Variants in AOAH observed in about 807,000 individuals in gnomAD.
The protein encoded by AOAH is acyloxyacyl hydrolase (neutrophil).
Under a neutral mutation model 92.2 loss-of-function variants are expected in AOAH, and 64 were observed. The observed-to-expected ratio is 0.69, with a 90% CI of 0.57 to 0.86. The LOEUF is 0.86. AOAH is among the 40% of genes least tolerant of loss of function. AOAH has a pLI of 0.00. For missense variants in AOAH, 656 were observed against 694.6 expected (o/e 0.94, Z 0.62); for synonymous variants, 263 against 254.5 (o/e 1.03, Z -0.32).
intron 8 of AOAH, 48 bp downstream of exon 8, chr7:36,621,662 C>A (rs369563422): frequency 1.0e-5 from 16 of 1,578,470 alleles, no homozygotes; most frequent in Non-Finnish European, 1.2e-5. Flanking sequence ...CTCCTGCTTC[C>A]TTTTCTGAAG....
intron 1 of AOAH, among the ~76,000 whole-genome samples, chr7:36,704,191 A>G (rs1307855065): frequency 1.3e-5 from 2 of 151,354 alleles, no homozygotes; most frequent in Non-Finnish European, 2.9e-5. Flanking sequence ...CCACTTTTTG[A>G]TGGGGTTGTT....
chr7:36,705,534 A>G (rs1798344835), intron 1 of AOAH, among the ~76,000 whole-genome samples: 1 of 152,186 alleles, frequency 6.6e-6, no homozygotes, highest in Non-Finnish European at 1.5e-5. Flanking sequence ...GGAAGAGTCA[A>G]TATCGTGAAA....
intron 20 of AOAH, among the ~76,000 whole-genome samples, chr7:36,515,085 C>T (rs116267481): frequency 0.015 from 2,242 of 149,914 alleles, 60 homozygotes; most frequent in African/African-American, 0.052. Context: ...ACATACACCA[C>T]ACCCCTCACA....
At chr7:36,548,499 A>C in intron 15 of AOAH, 113 bp downstream of exon 15, 2 of 905,320 alleles carry the variant, frequency 2.2e-6, no homozygotes, top group Non-Finnish European at 3.5e-6. Context: ...CTTCTAAGAT[A>C]GAGAAATTCA....
chr7:36,635,265 G>T (rs568320951), intron 5 of AOAH, among the ~76,000 whole-genome samples: 2 of 152,154 alleles, frequency 1.3e-5, no homozygotes, highest in East Asian at 3.9e-4. Flanking sequence ...CTGGGGACAG[G>T]AGTCATGCAG....
chr7:36,601,728 C>T (rs35613455), intron 11 of AOAH, among the ~76,000 whole-genome samples: 8,428 of 152,186 alleles, frequency 0.055, 262 homozygotes, highest in East Asian at 0.098. Flanking sequence ...GACATCTGCC[C>T]CACATGTGGG....
intron 13 of AOAH, among the ~76,000 whole-genome samples, chr7:36,561,876 C>T (rs1787294593): frequency 6.6e-6 from 1 of 152,134 alleles, no homozygotes; most frequent in Non-Finnish European, 1.5e-5. Context: ...CCTTCCTGCG[C>T]TCACACCCCT....
chr7:36,515,825 C>T (rs1363249621), intron 20 of AOAH, among the ~76,000 whole-genome samples: 5 of 138,124 alleles, frequency 3.6e-5, no homozygotes, highest in African/African-American at 1.1e-4. Flanking sequence ...TACAACCCCA[C>T]ACCACACACA....
At chr7:36,637,313 A>C (rs536952685) in intron 5 of AOAH, among the ~76,000 whole-genome samples, 1 of 152,272 alleles carries the variant, frequency 6.6e-6, no homozygotes, top group Non-Finnish European at 1.5e-5. Context: ...GGAGGACGCT[A>C]TTATCATCCT....
At chr7:36,668,675 C>T (rs1166572876) in intron 3 of AOAH, among the ~76,000 whole-genome samples, 2 of 152,144 alleles carry the variant, frequency 1.3e-5, no homozygotes, top group African/African-American at 2.4e-5. Context: ...CTAGTAGAGA[C>T]GGGGTTTCAC....
intron 12 of AOAH, among the ~76,000 whole-genome samples, chr7:36,588,229 G>A (rs1439730683): frequency 2.6e-5 from 4 of 152,308 alleles, no homozygotes; most frequent in African/African-American, 9.6e-5. Context: ...CTTGATTCAC[G>A]CTAACGTGTC....
intron 3 of AOAH, among the ~76,000 whole-genome samples, chr7:36,666,570 G>C (rs1795550198): frequency 6.6e-6 from 1 of 151,640 alleles, no homozygotes; most frequent in Admixed American, 6.6e-5. Context: ...CAATTTCCTT[G>C]TTTTCTGCTC....
chr7:36,627,545 CAAA>C (rs146066329), intron 6 of AOAH, among the ~76,000 whole-genome samples: 5 of 145,806 alleles, frequency 3.4e-5, no homozygotes, highest in African/African-American at 1.0e-4. Context: ...GGAAAGCACT[CAAA>C]AAAAAAACAA....
At chr7:36,534,640 A>G (rs1162848334) in intron 16 of AOAH, among the ~76,000 whole-genome samples, 1 of 152,044 alleles carries the variant, frequency 6.6e-6, no homozygotes, top group Non-Finnish European at 1.5e-5. Flanking sequence ...CTTTTTAAGC[A>G]TTACCTTTTA....
At chr7:36,612,961 CTCTTT>C (rs1405957074) in intron 11 of AOAH, among the ~76,000 whole-genome samples, 5 of 152,026 alleles carry the variant, frequency 3.3e-5, no homozygotes. Flanking sequence ...TTTTACATTT[CTCTTT>C]TAATTTTGTG....
intron 20 of AOAH, among the ~76,000 whole-genome samples, chr7:36,517,937 ACACACACC>A (rs1161800637): frequency 0.037 from 2,040 of 55,790 alleles, 57 homozygotes; most frequent in African/African-American, 0.11. Flanking sequence ...ACACCCACAC[ACACACACC>A]CACACACACA....
At chr7:36,649,574 C>T (rs1321489408) in intron 4 of AOAH, among the ~76,000 whole-genome samples, 1 of 152,210 alleles carries the variant, frequency 6.6e-6, no homozygotes, top group Non-Finnish European at 1.5e-5. Flanking sequence ...AATCATCTAT[C>T]GCCTGAGAGC....
chr7:36,542,960 A>C (rs1785511214), intron 15 of AOAH, among the ~76,000 whole-genome samples: 1 of 152,180 alleles, frequency 6.6e-6, no homozygotes, highest in African/African-American at 2.4e-5. Context: ...AAAAGTATTA[A>C]AGTATTGTTG....
chr7:36,530,308 C>G, intron 19 of AOAH, 110 bp downstream of exon 19: 1 of 723,890 alleles, frequency 1.4e-6, no homozygotes, highest in Non-Finnish European at 2.4e-6. Flanking sequence ...GCAGGAGTAA[C>G]CCTGCCGAAT....
Sources: gnomAD v4.1 joint callset for allele counts (sites outside exome capture counted in the v4.1 genomes callset) on GRCh38, gnomAD v4.1.1 for gene constraint, MANE v1.5 for transcripts, NCBI Gene and HGNC (gene_info 2026-07-23, HGNC 2026-07-21) for gene names.